LDHC: variants seen among roughly 807,000 people sequenced by gnomAD.
The protein encoded by LDHC is lactate dehydrogenase C, also known as L-lactate dehydrogenase C chain.
In LDHC, 20 loss-of-function variants were observed where a neutral mutation model predicts 30.2. That is an observed-to-expected ratio of 0.66 (90% confidence interval 0.47 to 0.96). The LOEUF is 0.96. Among genes scored for constraint, LDHC ranks in the 40% least tolerant of loss-of-function variants. The probability of loss-of-function intolerance (pLI) is 0.00; values close to 1 mark genes in which losing one functional copy is unlikely to be tolerated. For synonymous variants in LDHC, 139 were observed against 132.7 expected, an observed-to-expected ratio of 1.05 and a Z score of -0.32; for missense variants, 362 against 394.9, an observed-to-expected ratio of 0.92 and a Z score of 0.71.
intron 3 of LDHC, among the ~76,000 whole-genome samples, chr11:18,417,198 A>G (rs1867038741): frequency 6.6e-6 from 1 of 151,928 alleles, no homozygotes; most frequent in South Asian, 2.1e-4. Flanking sequence ...GTGGCAATTT[A>G]TAGGCATGGT....
Position 18,418,493 on chromosome 11 carries a change from G to A in LDHC, c.244+3192G>A, listed in dbSNP as rs977314866. 5.3e-5 allele frequency among the ~76,000 whole-genome samples: 8 copies of A among 151,808 alleles called. No homozygotes were observed. In the East Asian group the frequency reaches 1.6e-3, roughly 29 times the overall value. ...CACCCAGGCTGGAGTGCAGTGGTGT[G>A]ATCTCTGCTCACTGCAACCTCCACC... On this transcript the variant is annotated intron_variant, in intron 3 of 7. Coordinates refer to ENST00000541669, the MANE Select transcript of LDHC (RefSeq NM_017448.5).
chr11:18,424,381 C>CAA (rs111947706), intron 3 of LDHC, among the ~76,000 whole-genome samples: 24 of 148,598 alleles, frequency 1.6e-4, no homozygotes, highest in African/African-American at 3.9e-4. Context: ...AACTCTGTCT[C>CAA]AAAAAAAAAC....
Position 18,429,853 on chromosome 11 carries a change from A to G in LDHC, c.361A>G (p.Ile121Val). 1 of 1,612,996 alleles carries G rather than the reference A, an allele frequency of 6.2e-7. No individual in the cohort carries two copies. The highest frequency in any genetic ancestry group is 1.1e-5 in the South Asian group (1 of 91,040). Residue 121 changes from isoleucine to valine, a missense_variant, in exon 4 of 8, where the codon ATT (isoleucine) becomes GTT (valine). Transcript: ENST00000541669. ...QRNVAIMKSI[I>V]PAIVHYSPDC... ...TAATGTGGCTATAATGAAATCAATCATTCCTGCCATAGTCCATTATAGTCC... is the reference window on the plus strand; with the variant it reads ...TAATGTGGCTATAATGAAATCAATCGTTCCTGCCATAGTCCATTATAGTCC...
chr11:18,451,180 G>T lies in LDHC; in HGVS notation c.*53G>T. The T allele has an allele frequency of 8.5e-7, 1 of 1,173,098 alleles. No individual in the cohort carries two copies. Among genetic ancestry groups the T allele is most frequent in the South Asian group, 2.1e-5 (1 of 47,564 alleles). 72.7% of individuals were successfully genotyped at this position (1,173,098 alleles called of 1,614,324 possible). ...TGGAGAACAGAAGATAGCAGGCTGT[G>T]TATTTTAAATTTTGAAAGTATTTTC... On this transcript the variant is annotated 3_prime_UTR_variant, in exon 8 of 8. Coordinates refer to ENST00000541669, the MANE Select transcript of LDHC (RefSeq NM_017448.5).
chr11:18,429,802 G>C lies in LDHC; in HGVS notation c.310G>C (p.Glu104Gln). 6.2e-7 allele frequency: 1 copy of C among 1,612,212 alleles called. No individual in the cohort carries two copies. The highest frequency in any genetic ancestry group is 8.5e-7 in the Non-Finnish European group (1 of 1,178,318). The change falls in exon 4 of 8, where the codon GAA becomes CAA. Residue 104 changes from glutamate (E) to glutamine (Q), a missense_variant. Transcript: ENST00000541669. ...AGCAGGTGCAAGGCAGCAGGAGGGA[G>C]AAACTCGCCTTGCCCTGGTCCAACG... ...VTAGARQQEGETRLALVQRNV... is the reference protein window; with the variant it reads ...VTAGARQQEGQTRLALVQRNV...
In LDHC at chr11:18,429,850, A is replaced by G. The variant is rs1175158385; in HGVS notation, c.358A>G (p.Ile120Val). 27 of 1,612,118 alleles carry G rather than the reference A, an allele frequency of 1.7e-5. No homozygotes were observed. Among genetic ancestry groups the G allele is most frequent in the Non-Finnish European group, 2.2e-5 (26 of 1,178,340 alleles). Residue 120 changes from isoleucine (I) to valine (V), a missense_variant, in exon 4 of 8, where the codon ATC (isoleucine) becomes GTC (valine). Coordinates refer to ENST00000541669, the MANE Select transcript of LDHC (RefSeq NM_017448.5). ...VQRNVAIMKS[I>V]IPAIVHYSPD... Reference sequence around the variant, plus strand: ...ACGTAATGTGGCTATAATGAAATCAATCATTCCTGCCATAGTCCATTATAG... The same window carrying G: ...ACGTAATGTGGCTATAATGAAATCAGTCATTCCTGCCATAGTCCATTATAG...
chr11:18,430,871 A>G (rs946271200), intron 4 of LDHC, among the ~76,000 whole-genome samples: 6 of 152,192 alleles, frequency 3.9e-5, no homozygotes, highest in African/African-American at 7.2e-5. Flanking sequence ...TCTATCAGAA[A>G]TTACCAAACA....
intron 6 of LDHC, among the ~76,000 whole-genome samples, chr11:18,443,416 ATAAT>A (rs1025703668): frequency 6.6e-6 from 1 of 151,596 alleles, no homozygotes. Context: ...CCAGTCACTA[ATAAT>A]TGTACCACAG....
intron 3 of LDHC, among the ~76,000 whole-genome samples, chr11:18,422,973 A>AAAAACC (rs1044936043): frequency 6.8e-6 from 1 of 147,154 alleles, no homozygotes; most frequent in Non-Finnish European, 1.5e-5. Context: ...CATGTCTCAA[A>AAAAACC]AAAACCAAAA....
intron 3 of LDHC, among the ~76,000 whole-genome samples, chr11:18,429,371 A>G (rs1297096654): frequency 6.6e-6 from 1 of 152,072 alleles, no homozygotes; most frequent in Non-Finnish European, 1.5e-5. Context: ...TTGGCCTCCC[A>G]AAGTTCTGGG....
At position 18,441,797 on chromosome 11, in the gene LDHC, A is replaced by T. The variant is rs147131611; in HGVS notation, c.710+3152A>T. Among the ~76,000 whole-genome samples, 228 of 152,136 alleles carry T rather than the reference A, an allele frequency of 1.5e-3. 1 individual carries two copies. Among genetic ancestry groups the T allele is most frequent in the African/African-American group, 5.5e-3 (227 of 41,550 alleles). On this transcript the variant is annotated intron_variant, in intron 6 of 7. Coordinates refer to ENST00000541669, the MANE Select transcript of LDHC (RefSeq NM_017448.5). ...CTTGGTGGCGGGCGCCTGTAATCCCAGCTATTTGGGAGGCTGAGGCATCAC... is the reference window on the plus strand; with the variant it reads ...CTTGGTGGCGGGCGCCTGTAATCCCTGCTATTTGGGAGGCTGAGGCATCAC...
At chr11:18,415,914 C>T (rs1867013243) in intron 3 of LDHC, among the ~76,000 whole-genome samples, 1 of 152,120 alleles carries the variant, frequency 6.6e-6, no homozygotes, top group Non-Finnish European at 1.5e-5. Context: ...AGGCTGGTCT[C>T]GAACTCCTGA....
chr11:18,444,665 C>A (rs1848525522), intron 6 of LDHC, among the ~76,000 whole-genome samples: 1 of 125,462 alleles, frequency 8.0e-6, no homozygotes. Flanking sequence ...ATCTTGGCAA[C>A]CAAGTGTGTT....
At chr11:18,425,695 T>C (rs1207646777) in intron 3 of LDHC, among the ~76,000 whole-genome samples, 3 of 151,946 alleles carry the variant, frequency 2.0e-5, no homozygotes, top group Non-Finnish European at 4.4e-5. Context: ...ATCCCAGTAC[T>C]TTGGGAGGCT....
At chr11:18,442,019 T>A (rs1351246687) in intron 6 of LDHC, among the ~76,000 whole-genome samples, 1 of 152,194 alleles carries the variant, frequency 6.6e-6, no homozygotes, top group East Asian at 1.9e-4. Context: ...GGGGGCAGAC[T>A]TCCCCAGCAC....
chr11:18,446,225 C>T lies in LDHC; in HGVS notation c.726C>T (p.Ile242=), dbSNP rs1240785602. 6.2e-7 allele frequency: 1 copy of T among 1,601,164 alleles called. No individual in the cohort carries two copies. The highest frequency in any genetic ancestry group is 8.6e-7 in the Non-Finnish European group (1 of 1,168,488). ...KQVIQSAYEI[I]KLKGYTSWAI... ...ACAACTGTAGTGCCTATGAAATTAT[C>T]AAGCTGAAGGGGTATACCTCTTGGG... Residue 242 remains isoleucine (I), a synonymous_variant, in exon 7 of 8, where the codon ATC becomes ATT. Coordinates refer to ENST00000541669, the MANE Select transcript of LDHC (RefSeq NM_017448.5).
rs1848554734 is a variant in LDHC at position 18,446,308 on chromosome 11, T to C, written c.809T>C (p.Val270Ala). The part of the protein sequence containing the change: ...VGSILKNLRR[V>A]HPVSTMVKGL... ...TCCATTTTGAAAAATCTTAGGAGAGTGCACCCAGTTTCCACCATGGTTAAG... is the reference window on the plus strand; with the variant it reads ...TCCATTTTGAAAAATCTTAGGAGAGCGCACCCAGTTTCCACCATGGTTAAG... The change falls in exon 7 of 8, where the codon GTG becomes GCG. Residue 270 changes from valine to alanine, a missense_variant. Coordinates refer to ENST00000541669, the MANE Select transcript of LDHC (RefSeq NM_017448.5). 1 of 1,607,104 alleles carries C rather than the reference T, an allele frequency of 6.2e-7. No individual in the cohort carries two copies. Among genetic ancestry groups the C allele is most frequent in the African/African-American group, 1.3e-5 (1 of 74,672 alleles).
chr11:18,434,990 C>T, intron 5 of LDHC, 77 bp downstream of exon 5: 3 of 977,160 alleles, frequency 3.1e-6, no homozygotes, highest in South Asian at 2.1e-5. Flanking sequence ...AAGTTTTTTC[C>T]CTGATATTAA....
At chr11:18,435,292 G>A (rs980437995) in intron 5 of LDHC, among the ~76,000 whole-genome samples, 9 of 152,072 alleles carry the variant, frequency 5.9e-5, no homozygotes, top group African/African-American at 2.2e-4. Context: ...CTGGGGCCTG[G>A]TGGGAGGTGG....
Sources: allele counts gnomAD v4.1 joint callset (sites outside exome capture counted in the v4.1 genomes callset), GRCh38; gene constraint gnomAD v4.1.1; transcripts MANE v1.5; gene names NCBI Gene and HGNC (gene_info 2026-07-23, HGNC 2026-07-21).